The following PCDHA3 variants were observed in gnomAD, a reference collection of about 807,000 sequenced individuals.
PCDHA3 encodes the protein protocadherin alpha 3.
A neutral mutation model predicts 62.2 loss-of-function variants in PCDHA3; 41 were observed. The ratio of observed to expected loss-of-function variants is 0.66; its 90% CI spans 0.51 to 0.86. PCDHA3 has a LOEUF of 0.86. Ranked by LOEUF, PCDHA3 falls within the 40% of genes least tolerant of loss-of-function variation. PCDHA3 has a pLI of 0.00. For missense variants in PCDHA3, 1,304 were observed against 1,241.2 expected, an observed-to-expected ratio of 1.05 and a Z score of -0.76; for synonymous variants, 640 against 555.4, an observed-to-expected ratio of 1.15 and a Z score of -2.14.
intron 1 of PCDHA3, among the ~76,000 whole-genome samples, chr5:140,959,091 G>A (rs1257984257): frequency 3.3e-5 from 5 of 152,048 alleles, no homozygotes; most frequent in African/African-American, 1.2e-4. Context: ...CTTGGTTTCG[G>A]ACATTCAGCA....
At chr5:140,857,380 G>A (rs138042594) in intron 1 of PCDHA3, 8 of 1,598,488 alleles carry the variant, frequency 5.0e-6, no homozygotes, top group Middle Eastern at 1.7e-4. Flanking sequence ...CTGTGGAGGT[G>A]GCCGACGTGA....
At chr5:140,901,515 T>C (rs1323018473) in intron 1 of PCDHA3, among the ~76,000 whole-genome samples, 1 of 152,178 alleles carries the variant, frequency 6.6e-6, no homozygotes, top group Non-Finnish European at 1.5e-5. Context: ...ATTATAGATA[T>C]GTGGATTTGT....
At chr5:140,903,845 C>T (rs2070659171) in intron 1 of PCDHA3, among the ~76,000 whole-genome samples, 1 of 152,006 alleles carries the variant, frequency 6.6e-6, no homozygotes, top group Admixed American at 6.6e-5. Context: ...TTTCATTTAT[C>T]TTAACAAATA....
At position 140,856,180 on chromosome 5, in the gene PCDHA3, G is replaced by C; in HGVS notation, c.2394+52589G>C. ...AGGAGGCCAGACACGGCACCTTCGT[G>C]GGCCGCATCGCGCAGGACCTGGGGC... On this transcript the variant is annotated intron_variant, in intron 1 of 3. Coordinates refer to ENST00000522353, the MANE Select transcript of PCDHA3 (RefSeq NM_018906.3). The C allele has an allele frequency of 3.1e-6, 5 of 1,598,262 alleles. 1 individual carries two copies. Among genetic ancestry groups the C allele is most frequent in the Non-Finnish European group, 4.3e-6 (5 of 1,167,898 alleles).
chr5:140,898,206 T>G (rs1554187858), intron 1 of PCDHA3, among the ~76,000 whole-genome samples: 2 of 152,214 alleles, frequency 1.3e-5, no homozygotes. Context: ...AGATCCCATT[T>G]GTCAATTTTG....
intron 1 of PCDHA3, chr5:140,884,155 C>A (rs781815602): frequency 1.2e-6 from 2 of 1,613,430 alleles, no homozygotes; most frequent in Non-Finnish European, 1.7e-6. Flanking sequence ...TGTACACTGG[C>A]GAGATCAGCA....
intron 1 of PCDHA3, among the ~76,000 whole-genome samples, chr5:140,874,018 G>T (rs1033387450): frequency 1.3e-5 from 2 of 152,114 alleles, no homozygotes; most frequent in Admixed American, 1.3e-4. Context: ...TTTTGAAAAT[G>T]AAAAATAGGA....
chr5:140,985,494 C>G (rs1217361161), intron 3 of PCDHA3, among the ~76,000 whole-genome samples: 2 of 152,136 alleles, frequency 1.3e-5, no homozygotes, highest in Non-Finnish European at 2.9e-5. Flanking sequence ...TCAAATAGAG[C>G]CTGCCTTTCA....
At chr5:140,910,780 C>T (rs2075160544) in intron 1 of PCDHA3, among the ~76,000 whole-genome samples, 1 of 152,192 alleles carries the variant, frequency 6.6e-6, no homozygotes, top group South Asian at 2.1e-4. Flanking sequence ...CAAGCTGCAA[C>T]ATTAAATGCA....
chr5:140,916,831 G>A (rs1038292722), intron 1 of PCDHA3, among the ~76,000 whole-genome samples: 22 of 152,082 alleles, frequency 1.4e-4, no homozygotes, highest in Non-Finnish European at 2.9e-4. Context: ...CTATCCCTCT[G>A]GTTCTGAGCC....
chr5:140,854,555 A>G (rs2043158080), intron 1 of PCDHA3: 1 of 150,006 alleles, frequency 6.7e-6, no homozygotes, highest in Non-Finnish European at 1.5e-5. Context: ...ATTCATAAAT[A>G]TTGTTGCTCT....
At chr5:140,824,084 C>T (rs1247556013) in intron 1 of PCDHA3, 2 of 1,614,074 alleles carry the variant, frequency 1.2e-6, no homozygotes, top group African/African-American at 1.3e-5. Context: ...GACCTCATGG[C>T]CTTCAGTCCA....
At chr5:140,871,131 G>A (rs781968741) in intron 1 of PCDHA3, 2 of 1,613,386 alleles carry the variant, frequency 1.2e-6, no homozygotes, top group South Asian at 2.2e-5. Flanking sequence ...AGGCGCCAAA[G>A]GCCTCTTCCC....
intron 1 of PCDHA3, chr5:140,853,446 T>C: frequency 1.0e-6 from 1 of 980,482 alleles, no homozygotes; most frequent in Non-Finnish European, 1.2e-6. Context: ...TTTTGCCTAA[T>C]AGGTCTCCTT....
Position 140,915,626 on chromosome 5 carries a change from G to GTCTCTCTC in PCDHA3, c.2395-63300_2395-63293dup, listed in dbSNP as rs57920489. Among the ~76,000 whole-genome samples the GTCTCTCTC allele has an allele frequency of 4.4e-3, 648 of 146,532 alleles. 6 individuals carry two copies. Among genetic ancestry groups the GTCTCTCTC allele is most frequent in the East Asian group, 0.011 (51 of 4,846 alleles). Reference sequence around the variant, plus strand: ...ACTTTCTGTCAAACAGTCTCTTTCTGTCTCTCTCTCTCTCTCTCTCTCTCT... The same window carrying GTCTCTCTC: ...ACTTTCTGTCAAACAGTCTCTTTCTGTCTCTCTCTCTCTCTCTCTCTCTCTCTCTCTCT... On this transcript the variant is annotated intron_variant, in intron 1 of 3. Transcript: ENST00000522353.
intron 1 of PCDHA3, among the ~76,000 whole-genome samples, chr5:140,886,827 G>GAA (rs782016620): frequency 3.1e-4 from 19 of 60,896 alleles, no homozygotes; most frequent in South Asian, 5.9e-4. Context: ...ACTTCGTCTT[G>GAA]AAAAAAAAAA....
At chr5:140,846,436 G>A (rs191314082) in intron 1 of PCDHA3, among the ~76,000 whole-genome samples, 18 of 131,380 alleles carry the variant, frequency 1.4e-4, no homozygotes, top group African/African-American at 3.7e-4. Flanking sequence ...ATGCAGTGGC[G>A]CAATCTCGGC....
intron 1 of PCDHA3, chr5:140,966,517 A>T (rs1285058359): frequency 4.6e-6 from 2 of 435,352 alleles, no homozygotes; most frequent in Non-Finnish European, 8.0e-6. Context: ...CAGCAGCAGG[A>T]AGCCGAGCCG....
At chr5:140,871,486 C>T in intron 1 of PCDHA3, 1 of 1,592,450 alleles carries the variant, frequency 6.3e-7, no homozygotes, top group African/African-American at 1.3e-5. Context: ...GTCAAATCAC[C>T]CCGGACAGGT....
Sources: allele counts gnomAD v4.1 joint callset (sites outside exome capture counted in the v4.1 genomes callset), GRCh38; gene constraint gnomAD v4.1.1; transcripts MANE v1.5; gene names NCBI Gene and HGNC (gene_info 2026-07-23, HGNC 2026-07-21).